WWOX: variants seen among roughly 807,000 people sequenced by gnomAD.
The protein encoded by WWOX is WW domain containing oxidoreductase.
WWOX carries 69 observed loss-of-function variants against 46.2 expected under a neutral mutation model. The ratio of observed to expected loss-of-function variants is 1.49; its 90% CI spans 1.23 to 1.82. The LOEUF is 1.82. WWOX is among the 40% of genes most tolerant of loss of function. The probability of loss-of-function intolerance (pLI) is 0.00; values close to 1 mark genes in which losing one functional copy is unlikely to be tolerated. For missense variants in WWOX, 919 were observed against 542.6 expected, an observed-to-expected ratio of 1.69 and a Z score of -6.89; for synonymous variants, 359 against 202.6, an observed-to-expected ratio of 1.77 and a Z score of -6.56.
rs546508311 is a variant in WWOX at position 78,588,434 on chromosome 16, G to C, written c.1056+155682G>C. Among the ~76,000 whole-genome samples the C allele has an allele frequency of 6.6e-5, 10 of 152,316 alleles. No homozygotes were observed. The South Asian group carries it at 2.1e-3, about 32-fold the overall frequency. ...GTACTCAGATGAGGCTTGCTCTCAG[G>C]AAGTTCTTGTTCAGCAGCAAAAATC... On this transcript the variant is annotated intron_variant, in intron 8 of 8. Coordinates refer to ENST00000566780, the MANE Select transcript of WWOX (RefSeq NM_016373.4).
intron 5 of WWOX, among the ~76,000 whole-genome samples, chr16:78,336,486 T>G (rs2080890663): frequency 1.6e-5 from 2 of 126,002 alleles, no homozygotes; most frequent in Non-Finnish European, 3.1e-5. Flanking sequence ...AGCCTGAACT[T>G]CAGAGAGAGA....
At chr16:78,831,791 C>G (rs2051833546) in intron 8 of WWOX, among the ~76,000 whole-genome samples, 1 of 152,220 alleles carries the variant, frequency 6.6e-6, no homozygotes, top group African/African-American at 2.4e-5. Flanking sequence ...GAAGCTTTTA[C>G]TGAGCATCTA....
intron 5 of WWOX, among the ~76,000 whole-genome samples, chr16:78,187,763 A>C (rs1013173125): frequency 6.6e-6 from 1 of 152,236 alleles, no homozygotes; most frequent in Non-Finnish European, 1.5e-5. Context: ...TCCAGGTTTC[A>C]GGACCCATGT....
At chr16:78,104,981 T>A (rs1332002476) in intron 1 of WWOX, among the ~76,000 whole-genome samples, 3 of 152,212 alleles carry the variant, frequency 2.0e-5, no homozygotes, top group Non-Finnish European at 4.4e-5. Flanking sequence ...CAGTTGGGCT[T>A]CAGAATCTTC....
intron 8 of WWOX, among the ~76,000 whole-genome samples, chr16:79,166,215 T>C (rs2050591536): frequency 6.6e-6 from 1 of 152,202 alleles, no homozygotes; most frequent in Non-Finnish European, 1.5e-5. Flanking sequence ...CAATCACTTC[T>C]GGAGGCAGAG....
chr16:78,821,337 C>G (rs1051073463), intron 8 of WWOX, among the ~76,000 whole-genome samples: 1 of 152,104 alleles, frequency 6.6e-6, no homozygotes, highest in African/African-American at 2.4e-5. Flanking sequence ...GGAAGCCAAG[C>G]GCCCCCCAGC....
At chr16:78,919,086 C>T (rs918518203) in intron 8 of WWOX, among the ~76,000 whole-genome samples, 7 of 152,106 alleles carry the variant, frequency 4.6e-5, no homozygotes, top group African/African-American at 1.7e-4. Context: ...TCCTCATTTC[C>T]AATTGAAATT....
chr16:78,766,463 G>A (rs1486598657), intron 8 of WWOX, among the ~76,000 whole-genome samples: 3 of 152,144 alleles, frequency 2.0e-5, no homozygotes, highest in Non-Finnish European at 2.9e-5. Context: ...TGTCTCCTCC[G>A]TGTAGTCCCA....
chr16:78,959,905 C>G (rs1314898637), intron 8 of WWOX, among the ~76,000 whole-genome samples: 1 of 152,164 alleles, frequency 6.6e-6, no homozygotes, highest in East Asian at 1.9e-4. Flanking sequence ...GCCTGGGCAT[C>G]AAGAGTTTCT....
chr16:78,390,087 G>C (rs2082147931), intron 6 of WWOX, among the ~76,000 whole-genome samples: 1 of 152,168 alleles, frequency 6.6e-6, no homozygotes. Context: ...CAGAGAATGT[G>C]AGTGACTTTC....
intron 6 of WWOX, among the ~76,000 whole-genome samples, chr16:78,392,799 A>G (rs1278077902): frequency 2.0e-5 from 3 of 152,126 alleles, no homozygotes; most frequent in Non-Finnish European, 4.4e-5. Context: ...TGCCAAAGCC[A>G]GTTTTCTTCA....
In WWOX at chr16:78,099,998, A is replaced by G. The variant is rs993628961; in HGVS notation, c.107+113A>G. The G allele has an allele frequency of 4.0e-6, 6 of 1,505,890 alleles. No homozygotes were observed. In the Admixed American group the frequency reaches 1.2e-4, roughly 31 times the overall value. 93.3% of individuals were successfully genotyped at this position (1,505,890 alleles called of 1,614,324 possible). A position where few individuals can be genotyped will look rare whatever the true frequency, so the allele number is the denominator to read the frequency against. On this transcript the variant is annotated intron_variant, in intron 1 of 8. Transcript: ENST00000566780. ...GCGCAGCGCGTGCGGTGCAAAGTGA[A>G]AGTAACTGTTAAGGAGCTTCAGGGA...
intron 8 of WWOX, among the ~76,000 whole-genome samples, chr16:78,964,376 G>C (rs1302166101): frequency 6.6e-6 from 1 of 152,194 alleles, no homozygotes; most frequent in Admixed American, 6.5e-5. Context: ...GGGAATTGGA[G>C]CACAGGTGAC....
chr16:78,767,839 G>C (rs191569355), intron 8 of WWOX, among the ~76,000 whole-genome samples: 6 of 152,200 alleles, frequency 3.9e-5, no homozygotes, highest in African/African-American at 1.2e-4. Context: ...CCTACTGGCC[G>C]TTTGTGTATC....
chr16:79,067,392 C>G (rs1296284554), intron 8 of WWOX, among the ~76,000 whole-genome samples: 1 of 152,164 alleles, frequency 6.6e-6, no homozygotes, highest in East Asian at 1.9e-4. Flanking sequence ...TCTGCTTCAG[C>G]TGTCCTGACC....
chr16:79,165,227 TA>T (rs2050570027), intron 8 of WWOX, among the ~76,000 whole-genome samples: 1 of 151,836 alleles, frequency 6.6e-6, no homozygotes. Flanking sequence ...AGTGACCTCA[TA>T]TACTCATGGT....
Position 78,817,672 on chromosome 16 carries a change from T to C in WWOX, c.1056+384920T>C, listed in dbSNP as rs184673422. On this transcript the variant is annotated intron_variant, in intron 8 of 8. Coordinates refer to ENST00000566780, the MANE Select transcript of WWOX (RefSeq NM_016373.4). Reference sequence around the variant, plus strand: ...TACTCCTGGGTATTGGGGATGAGTCTTTGTGTGGTGGCAAACGGGCCCTGT... The same window carrying C: ...TACTCCTGGGTATTGGGGATGAGTCCTTGTGTGGTGGCAAACGGGCCCTGT... 9.9e-5 allele frequency among the ~76,000 whole-genome samples: 15 copies of C among 152,240 alleles called. 1 individual carries two copies. In the East Asian group the frequency reaches 2.9e-3, roughly 30 times the overall value.
chr16:78,452,513 G>A (rs1323913698), intron 8 of WWOX, among the ~76,000 whole-genome samples: 1 of 99,846 alleles, frequency 1.0e-5, no homozygotes. Flanking sequence ...GTCTTATTCT[G>A]TTGCCCAGGC....
rs2050823635 is a variant in WWOX, at chr16:79,177,470, A to C, written c.1057-34138A>C. ...CTCTTATGGTCAGGCTCATAAAAGC[A>C]ACCCAACAAAGCTTTTATGGGGTCA... On this transcript the variant is annotated intron_variant, in intron 8 of 8. Coordinates refer to ENST00000566780, the MANE Select transcript of WWOX (RefSeq NM_016373.4). Among the ~76,000 whole-genome samples the C allele has an allele frequency of 2.6e-5, 4 of 152,210 alleles. No homozygotes were observed. The South Asian group carries it at 6.2e-4, about 24-fold the overall frequency.
Sources: allele counts gnomAD v4.1 joint callset (sites outside exome capture counted in the v4.1 genomes callset), GRCh38; gene constraint gnomAD v4.1.1; transcripts MANE v1.5; gene names NCBI Gene and HGNC (gene_info 2026-07-23, HGNC 2026-07-21).